The following HERC2 variants were observed in gnomAD, a reference collection of about 807,000 sequenced individuals.
The protein encoded by HERC2 is E3 ubiquitin-protein ligase HERC2.
A neutral mutation model predicts 537.7 loss-of-function variants in HERC2; 102 were observed. The observed-to-expected ratio is 0.19, with a 90% confidence interval of 0.16 to 0.22. The LOEUF (loss-of-function observed/expected upper bound fraction) is 0.22. HERC2 is among the 10% of genes least tolerant of loss of function. The probability of loss-of-function intolerance (pLI) is 1.00; values close to 1 mark genes in which losing one functional copy is unlikely to be tolerated. For synonymous variants in HERC2, 2,224 were observed against 2,466.2 expected, an observed-to-expected ratio of 0.90 and a Z score of 2.91; for missense variants, 4,236 against 6,198.2, an observed-to-expected ratio of 0.68 and a Z score of 10.63.
At chr15:28,263,565 C>T (rs1002696788) in intron 14 of HERC2, among the ~76,000 whole-genome samples, 4 of 151,596 alleles carry the variant, frequency 2.6e-5, no homozygotes, top group Non-Finnish European at 4.4e-5. Flanking sequence ...CCATGCTGAC[C>T]GGTGGTCAAC....
rs367797355 is a variant in HERC2, at chr15:28,236,145, T to C, written c.4003+818A>G. On this transcript the variant is annotated intron_variant, in intron 26 of 92. Transcript: ENST00000261609. The stretch of plus-strand genomic sequence containing the variant: ...TGCAATACGTGAGACCACCACAGGG[T>C]AGACGGGTAGAGATTCCTGCACACT... Among the ~76,000 whole-genome samples the C allele has an allele frequency of 8.6e-3, 1,304 of 151,204 alleles. 20 individuals are homozygous for C. Among genetic ancestry groups the C allele is most frequent in the African/African-American group, 0.028 (1,136 of 40,802 alleles).
intron 35 of HERC2, among the ~76,000 whole-genome samples, chr15:28,224,166 C>CACACACACACACACAGAGAG (rs748053596): frequency 5.4e-5 from 8 of 147,656 alleles, no homozygotes; most frequent in African/African-American, 2.1e-4. Context: ...CACACACACA[C>CACACACACACACACAGAGAG]AGAGAGAGAG....
In HERC2 at chr15:28,246,977, T is replaced by C. The variant is rs1288511841; in HGVS notation, c.3236-80A>G. 5 of 1,206,700 alleles carry C rather than the reference T, an allele frequency of 4.1e-6. No individual in the cohort carries two copies. The African/African-American group carries it at 7.7e-5, about 19-fold the overall frequency. 74.7% of individuals were successfully genotyped at this position (1,206,700 alleles called of 1,614,324 possible). On this transcript the variant is annotated intron_variant, in intron 21 of 92. Transcript: ENST00000261609. ...ACAAACTAACTGCTCCATGATGCTA[T>C]TCTCATCTACACATCTTTTACCCAT...
chr15:28,141,324 G>A, intron 78 of HERC2, 108 bp downstream of exon 78: 1 of 853,346 alleles, frequency 1.2e-6, no homozygotes, highest in Non-Finnish European at 1.9e-6. Flanking sequence ...CATTAATCCT[G>A]AGAAACGTTT....
chr15:28,285,075 A>G (rs190347462), intron 4 of HERC2, among the ~76,000 whole-genome samples: 52 of 152,258 alleles, frequency 3.4e-4, no homozygotes, highest in African/African-American at 1.3e-3. Context: ...AACTGAAAGG[A>G]GAAAAAGACA....
chr15:28,281,682 G>T (rs1455307896), intron 4 of HERC2, among the ~76,000 whole-genome samples: 1 of 152,164 alleles, frequency 6.6e-6, no homozygotes, highest in Non-Finnish European at 1.5e-5. Flanking sequence ...GCAGCTAAGA[G>T]CTAATAGTTA....
In HERC2 at chr15:28,176,693, C is replaced by T; in HGVS notation, c.9508G>A (p.Asp3170Asn). ...SRDAQTLALT[D>N]EGLVFSWGDG... ...AATCCTGCCAGCCACTCACCTTCAT[C>T]GGTCAGAGCCAGGGTCTGCGCGTCT... is the stretch of plus-strand genomic sequence containing the variant. Residue 3170 changes from aspartate to asparagine, a missense_variant, in exon 62 of 93, where the codon GAT becomes AAT. Around this residue, in one of 27 missense-constraint regions of HERC2, gnomAD observed 93 missense variants for 265.1 expected, o/e 0.35. Transcript: ENST00000261609. The surrounding 1 kb of genome is among the most constrained non-coding windows in gnomAD (Gnocchi z 5.0). The T allele has an allele frequency of 1.9e-6, 3 of 1,614,070 alleles. No individual in the cohort carries two copies. Among genetic ancestry groups the T allele is most frequent in the East Asian group, 2.2e-5 (1 of 44,880 alleles).
intron 23 of HERC2, among the ~76,000 whole-genome samples, chr15:28,244,164 C>CA (rs942453253): frequency 8.2e-4 from 123 of 149,480 alleles, no homozygotes; most frequent in African/African-American, 2.9e-3. Flanking sequence ...ACCCTTGCCT[C>CA]AAAAAAAAAG....
At chr15:28,236,556 G>T (rs544004777) in intron 26 of HERC2, among the ~76,000 whole-genome samples, 1 of 151,822 alleles carries the variant, frequency 6.6e-6, no homozygotes, top group Non-Finnish European at 1.5e-5. Context: ...CTCCCAAAGT[G>T]CTGGGATTAC....
At chr15:28,179,362 T>C (rs1010951146) in intron 57 of HERC2, 139 bp from the exon 58 acceptor site, 2 of 696,164 alleles carry the variant, frequency 2.9e-6, no homozygotes, top group Non-Finnish European at 4.9e-6. Flanking sequence ...AGGCTACATA[T>C]ACGATGGCAG....
In HERC2 at chr15:28,116,788, C is replaced by T. The variant is rs765966044; in HGVS notation, c.13486G>A (p.Gly4496Arg). 9 of 1,613,954 alleles carry T rather than the reference C, an allele frequency of 5.6e-6. No homozygotes were observed. In the Admixed American group the frequency reaches 8.3e-5, roughly 15 times the overall value. Residue 4496 changes from glycine to arginine, a missense_variant, in exon 88 of 93, where the codon GGA becomes AGA. This residue lies in a region of HERC2 where 313 missense variants were observed against 462.6 expected (regional missense o/e 0.68). Transcript: ENST00000261609. ...IAEICEELQN[G>R]LTPLLIVTPN... ...GTCACGATCAGCAGGGGCGTGAGTCCGTTCTGCAGCTCCTCACAGATCTCA... is the reference window on the plus strand; with the variant it reads ...GTCACGATCAGCAGGGGCGTGAGTCTGTTCTGCAGCTCCTCACAGATCTCA...
chr15:28,178,640 G>C (rs956419284), intron 59 of HERC2, among the ~76,000 whole-genome samples: 10 of 152,144 alleles, frequency 6.6e-5, no homozygotes, highest in African/African-American at 2.4e-4. Flanking sequence ...TGGGTTCATA[G>C]ATGGTTTTGG....
At position 28,246,865 on chromosome 15, in the gene HERC2, T is replaced by G. The variant is rs1270427643; in HGVS notation, c.3268A>C (p.Lys1090Gln). Residue 1090 changes from lysine to glutamine, a missense_variant, in exon 22 of 93, where the codon AAG becomes CAG. By Grantham distance (53) the Lys-to-Gln change is moderately conservative. Coordinates refer to ENST00000261609, the MANE Select transcript of HERC2 (RefSeq NM_004667.6). ...GTGCACAGGAGGGCTGTGTACTTCT[T>G]CAGCAAGGAACCAACACCCATTAGC... ...PELMGVGSLL[K>Q]KYTALLCTHI... 3 of 1,610,538 alleles carry G rather than the reference T, an allele frequency of 1.9e-6. No individual in the cohort carries two copies. In the African/African-American group the frequency reaches 4.0e-5, roughly 22 times the overall value.
intron 83 of HERC2, among the ~76,000 whole-genome samples, 178 bp from the exon 84 acceptor site, chr15:28,125,371 A>G (rs1259730045): frequency 6.6e-6 from 1 of 152,248 alleles, no homozygotes; most frequent in Non-Finnish European, 1.5e-5. Flanking sequence ...TGACCTAAAC[A>G]TGAATACATG....
Position 28,179,078 on chromosome 15 carries a change from A to G in HERC2, c.9020-48T>C, listed in dbSNP as rs373458880. The G allele has an allele frequency of 8.0e-5, 129 of 1,603,572 alleles. 3 individuals are homozygous for G. The East Asian group carries it at 8.3e-4, about 10-fold the overall frequency. ...GAGGACTCTCTTTTCACAACATTAAAAACTTTTTTGTTTTTTGGTGCCAAG... is the reference window on the plus strand; with the variant it reads ...GAGGACTCTCTTTTCACAACATTAAGAACTTTTTTGTTTTTTGGTGCCAAG... On this transcript the variant is annotated intron_variant, in intron 58 of 92. Transcript: ENST00000261609.
At chr15:28,145,034 A>G (rs1440495556) in intron 71 of HERC2, among the ~76,000 whole-genome samples, 1 of 152,250 alleles carries the variant, frequency 6.6e-6, no homozygotes, top group African/African-American at 2.4e-5. Context: ...GGTACCCAGG[A>G]AACTGCGGCA....
At chr15:28,172,512 A>G (rs2140122716) in intron 65 of HERC2, among the ~76,000 whole-genome samples, 1 of 152,366 alleles carries the variant, frequency 6.6e-6, no homozygotes, top group South Asian at 2.1e-4. Context: ...GCAAAAGGCA[A>G]TTCAGTAGGA....
chr15:28,179,451 T>C (rs1404610844), intron 57 of HERC2, among the ~76,000 whole-genome samples: 2 of 152,206 alleles, frequency 1.3e-5, no homozygotes, highest in African/African-American at 4.8e-5. Context: ...CAGCACAACC[T>C]ATTCCTCATG....
rs867843543 is a variant in HERC2, at chr15:28,278,841, T to C, written c.542+1227A>G. On this transcript the variant is annotated intron_variant, in intron 5 of 92. Transcript: ENST00000261609. ...ATATAAGTTTCATCTGGCAGTCTTG[T>C]AGTTTAACCTTCTGAGGACAAAAGT... is the stretch of plus-strand genomic sequence containing the variant. Among the ~76,000 whole-genome samples, 599 of 152,328 alleles carry C rather than the reference T, an allele frequency of 3.9e-3. 4 individuals carry two copies. Among genetic ancestry groups the C allele is most frequent in the African/African-American group, 0.014 (568 of 41,568 alleles).
Sources: gnomAD v4.1 joint callset for allele counts (sites outside exome capture counted in the v4.1 genomes callset) on GRCh38, gnomAD v4.1.1 for gene constraint, gnomAD v4.1.1 regional missense constraint, Gnocchi (gnomAD v3.1) non-coding constraint, MANE v1.5 for transcripts, NCBI Gene and HGNC (gene_info 2026-07-23, HGNC 2026-07-21) for gene names.